Variants in TLN2 observed in about 807,000 individuals in gnomAD.
TLN2 encodes talin-2.
In TLN2, 118 loss-of-function variants were observed where a neutral mutation model predicts 294.7. The observed-to-expected ratio is 0.40, with a 90% CI of 0.34 to 0.47. The LOEUF is 0.47. Ranked by LOEUF, TLN2 falls within the 20% of genes least tolerant of loss-of-function variation. The pLI, the probability that TLN2 is intolerant of heterozygous loss-of-function variation, is 0.84. For missense variants in TLN2, 3,083 were observed against 3,282.2 expected, an observed-to-expected ratio of 0.94 and a Z score of 1.48; for synonymous variants, 1,431 against 1,304.5, an observed-to-expected ratio of 1.10 and a Z score of -2.09.
At chr15:62,677,374 G>A (rs975985012) in intron 11 of TLN2, among the ~76,000 whole-genome samples, 1 of 152,160 alleles carries the variant, frequency 6.6e-6, no homozygotes, top group Non-Finnish European at 1.5e-5. Context: ...CACACAGTCA[G>A]TTTCAGTGAC....
At chr15:62,536,613 AT>A (rs1188843251) in intron 1 of TLN2, among the ~76,000 whole-genome samples, 2 of 152,252 alleles carry the variant, frequency 1.3e-5, no homozygotes, top group East Asian at 3.9e-4. Context: ...CAGCGCTGTA[AT>A]AGTGTAGATG....
At chr15:62,419,526 A>G (rs1595761118) in intron 1 of TLN2, among the ~76,000 whole-genome samples, 1 of 152,042 alleles carries the variant, frequency 6.6e-6, no homozygotes, top group African/African-American at 2.4e-5. Context: ...CCTTAATACG[A>G]TACCTCTGGG....
chr15:62,450,555 G>A (rs61387707), intron 1 of TLN2, among the ~76,000 whole-genome samples: 1,645 of 37,890 alleles, frequency 0.043, 19 homozygotes, highest in African/African-American at 0.081. Context: ...GTATGTGTGT[G>A]TGTGTGTGTG....
chr15:62,517,103 T>C (rs983870021), intron 1 of TLN2, among the ~76,000 whole-genome samples: 1 of 152,240 alleles, frequency 6.6e-6, no homozygotes, highest in African/African-American at 2.4e-5. Flanking sequence ...GGCTGGTGGA[T>C]GTTCTGAAGC....
intron 1 of TLN2, among the ~76,000 whole-genome samples, chr15:62,480,929 C>T (rs140031534): frequency 9.2e-5 from 14 of 152,190 alleles, no homozygotes; most frequent in East Asian, 5.8e-4. Context: ...TCCCCTCATT[C>T]GAAATGTCCC....
chr15:62,398,419 T>TA (rs2140231476), intron 1 of TLN2, among the ~76,000 whole-genome samples: 1 of 152,078 alleles, frequency 6.6e-6, no homozygotes, highest in South Asian at 2.1e-4. Context: ...GTATGGGTAA[T>TA]AGAGTAAATT....
Position 62,652,082 on chromosome 15 carries a change from G to A in TLN2, c.312G>A (p.Val104=), listed in dbSNP as rs972541860. ...ATGGATCTGTGAAGACAGTGATGGT[G>A]GATGATTCCAAGACTGTGGGGGAGC... The part of the protein sequence containing the change: ...MLDGSVKTVM[V]DDSKTVGELL... The change falls in exon 6 of 59, where the codon GTG becomes GTA. Residue 104 remains valine (V), a synonymous_variant. Transcript: ENST00000636159. 4.3e-6 allele frequency: 7 copies of A among 1,611,410 alleles called. No homozygotes were observed. The African/African-American group carries it at 8.0e-5, about 18-fold the overall frequency.
At chr15:62,737,780 C>T (rs1208393190) in intron 29 of TLN2, among the ~76,000 whole-genome samples, 1 of 152,210 alleles carries the variant, frequency 6.6e-6, no homozygotes, top group Non-Finnish European at 1.5e-5. Flanking sequence ...TAACCACAGG[C>T]CTTCTAATTG....
chr15:62,657,992 C>T, intron 9 of TLN2, 94 bp downstream of exon 9: 2 of 1,205,930 alleles, frequency 1.7e-6, no homozygotes, highest in African/African-American at 1.6e-5. Context: ...AGATCATACC[C>T]TAATTTCAAT....
intron 37 of TLN2, among the ~76,000 whole-genome samples, chr15:62,756,184 G>T (rs2062238356): frequency 1.3e-5 from 2 of 152,320 alleles, no homozygotes; most frequent in South Asian, 4.1e-4. Context: ...TCATTCCTGT[G>T]ATATTAATTC....
chr15:62,772,667 A>ATT (rs60889314), intron 42 of TLN2, among the ~76,000 whole-genome samples: 2 of 129,222 alleles, frequency 1.5e-5, no homozygotes, highest in African/African-American at 6.5e-5. Flanking sequence ...TTATTTATTT[A>ATT]TTTTTTTTTT....
intron 2 of TLN2, among the ~76,000 whole-genome samples, chr15:62,598,870 C>G (rs1433376915): frequency 1.3e-5 from 2 of 151,994 alleles, no homozygotes; most frequent in Non-Finnish European, 2.9e-5. Flanking sequence ...GGCAGGTGCC[C>G]TGGGCGATGG....
intron 1 of TLN2, among the ~76,000 whole-genome samples, chr15:62,553,110 A>G (rs562934688): frequency 1.3e-5 from 2 of 152,358 alleles, no homozygotes; most frequent in East Asian, 3.9e-4. Context: ...TAAAGCTCCT[A>G]CATACATCAT....
intron 1 of TLN2, among the ~76,000 whole-genome samples, chr15:62,458,489 C>G (rs946966510): frequency 9.9e-5 from 15 of 151,590 alleles, no homozygotes; most frequent in African/African-American, 3.6e-4. Flanking sequence ...TTTGCCATTC[C>G]TGGAGTGTCT....
intron 1 of TLN2, among the ~76,000 whole-genome samples, chr15:62,482,250 C>T (rs980776199): frequency 2.0e-5 from 3 of 152,264 alleles, no homozygotes; most frequent in South Asian, 2.1e-4. Context: ...CCCTTATGGA[C>T]AATTCTATAG....
At chr15:62,713,640 T>C (rs1185304207) in intron 22 of TLN2, among the ~76,000 whole-genome samples, 1 of 152,024 alleles carries the variant, frequency 6.6e-6, no homozygotes, top group African/African-American at 2.4e-5. Context: ...GATCGTGCCA[T>C]TGCATTCCAT....
intron 1 of TLN2, among the ~76,000 whole-genome samples, chr15:62,464,583 A>G (rs1261362346): frequency 6.6e-6 from 1 of 152,100 alleles, no homozygotes; most frequent in Non-Finnish European, 1.5e-5. Flanking sequence ...TAAAAAAAAA[A>G]AAGTTAATCT....
intron 1 of TLN2, among the ~76,000 whole-genome samples, chr15:62,462,318 C>T (rs947117890): frequency 2.0e-5 from 3 of 152,170 alleles, no homozygotes; most frequent in Non-Finnish European, 4.4e-5. Context: ...GTGTGGGCTG[C>T]TTCACAGAAG....
chr15:62,751,911 C>T (rs1291864245), intron 34 of TLN2, among the ~76,000 whole-genome samples: 1 of 152,190 alleles, frequency 6.6e-6, no homozygotes, highest in African/African-American at 2.4e-5. Context: ...AGTAACTAGA[C>T]AAATGATATC....
Sources: gnomAD v4.1 joint callset for allele counts (sites outside exome capture counted in the v4.1 genomes callset) on GRCh38, gnomAD v4.1.1 for gene constraint, MANE v1.5 for transcripts, NCBI Gene and HGNC (gene_info 2026-07-23, HGNC 2026-07-21) for gene names.